The following C7 variants were observed in gnomAD, a reference collection of about 807,000 sequenced individuals.
The protein encoded by C7 is complement C7, also known as complement component C7.
Under a neutral mutation model 104.8 loss-of-function variants are expected in C7, and 83 were observed. That is an observed-to-expected ratio of 0.79 (90% CI 0.66 to 0.95). The LOEUF (loss-of-function observed/expected upper bound fraction) is 0.95. Among genes scored for constraint, C7 ranks in the 40% least tolerant of loss-of-function variants. C7 has a pLI of 0.00. For synonymous variants in C7, 415 were observed against 360.6 expected, an observed-to-expected ratio of 1.15 and a Z score of -1.71; for missense variants, 1,070 against 1,011.2, an observed-to-expected ratio of 1.06 and a Z score of -0.79.
At chr5:40,909,898 A>G (rs1739170669) in intron 1 of C7, among the ~76,000 whole-genome samples, 1 of 150,554 alleles carries the variant, frequency 6.6e-6, no homozygotes, top group South Asian at 2.2e-4. Context: ...GACAATGTTT[A>G]TGAAAGTCCC....
At chr5:40,945,417 A>G (rs1481379321) in intron 7 of C7, 49 bp downstream of exon 7, 2 of 1,226,316 alleles carry the variant, frequency 1.6e-6, no homozygotes, top group East Asian at 2.5e-5. Context: ...TTTTTTAAGT[A>G]TTGCTTACAT....
chr5:40,942,768 C>CTTTT (rs530693111), intron 6 of C7, among the ~76,000 whole-genome samples: 2 of 138,758 alleles, frequency 1.4e-5, no homozygotes, highest in Non-Finnish European at 3.1e-5. Flanking sequence ...TTCTTTCTTT[C>CTTTT]TTTTTTTTTT....
rs540444737 is a variant in C7, at chr5:40,943,901, A to C, written c.568-1297A>C. On this transcript the variant is annotated intron_variant, in intron 6 of 17. Transcript: ENST00000313164. Reference sequence around the variant, plus strand: ...GGGGTAGTGATAACAGTCATATTGTATTTTCTGGTATTTTGGTGTATTTCT... The same window carrying C: ...GGGGTAGTGATAACAGTCATATTGTCTTTTCTGGTATTTTGGTGTATTTCT... Among the ~76,000 whole-genome samples the C allele has an allele frequency of 7.2e-5, 11 of 152,054 alleles. No individual in the cohort carries two copies. In the East Asian group the frequency reaches 1.9e-3, roughly 27 times the overall value.
In C7 at chr5:40,958,105, C is replaced by T. The variant is rs779363745; in HGVS notation, c.1333C>T (p.Leu445Phe). The part of the protein sequence containing the change: ...SVKKLYLKWA[L>F]EEYLDEFDPC... The stretch of plus-strand genomic sequence containing the variant: ...GAAAAAACTATACCTGAAATGGGCT[C>T]TTGAAGAGTATCTGGATGAATTTGA... The change falls in exon 11 of 18, where the codon CTT (leucine) becomes TTT (phenylalanine). Residue 445 changes from leucine to phenylalanine, a missense_variant. Coordinates refer to ENST00000313164, the MANE Select transcript of C7 (RefSeq NM_000587.4). 1.1e-5 allele frequency: 18 copies of T among 1,613,782 alleles called. No individual in the cohort carries two copies. The highest frequency in any genetic ancestry group is 2.2e-5 in the East Asian group (1 of 44,878).
At chr5:40,977,788 A>C (rs577562753) in intron 16 of C7, among the ~76,000 whole-genome samples, 1 of 152,276 alleles carries the variant, frequency 6.6e-6, no homozygotes, top group South Asian at 2.1e-4. Context: ...GGATCTGGGG[A>C]GGAAATAAGA....
intron 1 of C7, among the ~76,000 whole-genome samples, chr5:40,916,235 G>A (rs1739313477): frequency 6.6e-6 from 1 of 152,166 alleles, no homozygotes; most frequent in Admixed American, 6.5e-5. Flanking sequence ...CAAACAAAAT[G>A]TAATCACATT....
rs1220839816 is a variant in C7 at position 40,947,714 on chromosome 5, C to G, written c.851C>G (p.Pro284Arg). 2 of 1,613,624 alleles carry G rather than the reference C, an allele frequency of 1.2e-6. No individual in the cohort carries two copies. Among genetic ancestry groups the G allele is most frequent in the East Asian group, 4.5e-5 (2 of 44,884 alleles). The change falls in exon 8 of 18, where the codon CCC (proline) becomes CGC (arginine). Residue 284 changes from proline to arginine, a missense_variant. Transcript: ENST00000313164. ...EPFWKELSHL[P>R]SLYDYSAYRR... Reference sequence around the variant, plus strand: ...TTCTGGAAGGAGCTTTCCCACCTCCCCTCTCTGTATGACTACAGTGCCTAC... The same window carrying G: ...TTCTGGAAGGAGCTTTCCCACCTCCGCTCTCTGTATGACTACAGTGCCTAC...
At chr5:40,975,524 C>T (rs749548623) in intron 15 of C7, among the ~76,000 whole-genome samples, 5 of 151,990 alleles carry the variant, frequency 3.3e-5, no homozygotes, top group Admixed American at 1.3e-4. Context: ...CCACCATGCC[C>T]GGCTAATTTT....
intron 1 of C7, among the ~76,000 whole-genome samples, chr5:40,916,329 A>G (rs2111612265): frequency 6.6e-6 from 1 of 152,308 alleles, no homozygotes; most frequent in East Asian, 1.9e-4. Flanking sequence ...AAAAGGCCTC[A>G]GGAGTGTTTT....
At chr5:40,915,064 G>A (rs1421526395) in intron 1 of C7, among the ~76,000 whole-genome samples, 1 of 152,150 alleles carries the variant, frequency 6.6e-6, no homozygotes, top group Admixed American at 6.6e-5. Flanking sequence ...AGCAGGCATG[G>A]GTGAGAATCG....
At chr5:40,952,085 C>T (rs761063454) in intron 9 of C7, among the ~76,000 whole-genome samples, 3 of 152,180 alleles carry the variant, frequency 2.0e-5, no homozygotes, top group Non-Finnish European at 4.4e-5. Context: ...TGACATCAGT[C>T]TTCAGTTGGG....
intron 1 of C7, among the ~76,000 whole-genome samples, chr5:40,926,052 G>A (rs1441380752): frequency 2.0e-5 from 3 of 152,114 alleles, no homozygotes; most frequent in Non-Finnish European, 2.9e-5. Flanking sequence ...CCCATTAAAA[G>A]TATCATCTAC....
At chr5:40,927,464 T>C (rs1739578538) in intron 1 of C7, among the ~76,000 whole-genome samples, 1 of 151,830 alleles carries the variant, frequency 6.6e-6, no homozygotes, top group African/African-American at 2.4e-5. Context: ...GATGTACAGA[T>C]TGGGAGAAAA....
intron 12 of C7, among the ~76,000 whole-genome samples, chr5:40,961,187 A>C (rs1740411706): frequency 6.6e-6 from 1 of 152,202 alleles, no homozygotes; most frequent in South Asian, 2.1e-4. Flanking sequence ...GGTATTTATT[A>C]GTTCATAATC....
intron 15 of C7, among the ~76,000 whole-genome samples, chr5:40,974,461 G>T (rs949070543): frequency 2.7e-5 from 4 of 149,976 alleles, no homozygotes; most frequent in Non-Finnish European, 5.9e-5. Flanking sequence ...TGTCACCCAG[G>T]CTGGAGTGCA....
In C7 at chr5:40,964,730, C is replaced by G; in HGVS notation, c.1750-11C>G. 1 of 1,608,930 alleles carries G rather than the reference C, an allele frequency of 6.2e-7. No individual in the cohort carries two copies. Among genetic ancestry groups the G allele is most frequent in the Non-Finnish European group, 8.5e-7 (1 of 1,177,106 alleles). On this transcript the variant is annotated splice_polypyrimidine_tract_variant and intron_variant, in intron 13 of 17. Coordinates refer to ENST00000313164, the MANE Select transcript of C7 (RefSeq NM_000587.4). ...AAACTCTTTCCTTTTCCATCTTTTACTTTTGTTTAGGATGAAGGTACAATG... is the reference window on the plus strand; with the variant it reads ...AAACTCTTTCCTTTTCCATCTTTTAGTTTTGTTTAGGATGAAGGTACAATG...
At chr5:40,943,691 G>A (rs547047763) in intron 6 of C7, among the ~76,000 whole-genome samples, 1 of 148,220 alleles carries the variant, frequency 6.7e-6, no homozygotes, top group Non-Finnish European at 1.5e-5. Context: ...ATATATGTGT[G>A]TGTGTGTATA....
chr5:40,913,227 A>G (rs976590552), intron 1 of C7, among the ~76,000 whole-genome samples: 11 of 152,132 alleles, frequency 7.2e-5, no homozygotes, highest in African/African-American at 2.7e-4. Flanking sequence ...GGTTGCTTCT[A>G]TATCTTTGCT....
At position 40,937,626 on chromosome 5, in the gene C7, T is replaced by C; in HGVS notation, c.503T>C (p.Val168Ala). 6.2e-7 allele frequency: 1 copy of C among 1,611,974 alleles called. No individual in the cohort carries two copies. The highest frequency in any genetic ancestry group is 8.5e-7 in the Non-Finnish European group (1 of 1,178,920). The change falls in exon 6 of 18, where the codon GTG becomes GCG. Residue 168 changes from valine (V) to alanine (A), a missense_variant. Transcript: ENST00000313164. ...TKSFGGQCRK[V>A]FSGDGKDFYR... ...AGTTTTGGTGGTCAATGTAGAAAGGTGTTTAGTGGGGATGGAAAAGATTTC... is the reference window on the plus strand; with the variant it reads ...AGTTTTGGTGGTCAATGTAGAAAGGCGTTTAGTGGGGATGGAAAAGATTTC...
Sources: allele counts gnomAD v4.1 joint callset (sites outside exome capture counted in the v4.1 genomes callset), GRCh38; gene constraint gnomAD v4.1.1; transcripts MANE v1.5; gene names NCBI Gene and HGNC (gene_info 2026-07-23, HGNC 2026-07-21).